Variants in RYR2 observed in about 807,000 individuals in gnomAD.
The protein encoded by RYR2 is cardiac muscle ryanodine receptor-calcium release channel.
In RYR2, 227 loss-of-function variants were observed where a neutral mutation model predicts 601.1. The observed-to-expected ratio is 0.38, with a 90% CI of 0.34 to 0.42. The LOEUF (loss-of-function observed/expected upper bound fraction) is 0.42, where lower values mean the gene tolerates loss of function less well. RYR2 is among the 10% of genes least tolerant of loss of function. RYR2 has a pLI of 1.00. For synonymous variants in RYR2, 2,223 were observed against 2,175.1 expected, an observed-to-expected ratio of 1.02 and a Z score of -0.61; for missense variants, 4,646 against 6,156.5, an observed-to-expected ratio of 0.75 and a Z score of 8.21.
At chr1:237,600,556 C>T (rs1267242353) in intron 34 of RYR2, among the ~76,000 whole-genome samples, 2 of 151,844 alleles carry the variant, frequency 1.3e-5, no homozygotes, top group African/African-American at 2.4e-5. Flanking sequence ...ATTTTTTGGA[C>T]GAGACCTCAA....
intron 1 of RYR2, among the ~76,000 whole-genome samples, chr1:237,243,548 A>G (rs2149244072): frequency 6.6e-6 from 1 of 152,288 alleles, no homozygotes; most frequent in African/African-American, 2.4e-5. Flanking sequence ...ATGTTCAGCT[A>G]TCCAGAAGCT....
chr1:237,683,865 G>T (rs1686115849), intron 62 of RYR2, among the ~76,000 whole-genome samples: 1 of 152,144 alleles, frequency 6.6e-6, no homozygotes, highest in Admixed American at 6.5e-5. Context: ...AGGCTATAGT[G>T]TTGGAAGTGC....
intron 17 of RYR2, among the ~76,000 whole-genome samples, chr1:237,481,127 C>CATATATATATAT (rs764876848): frequency 0.31 from 44,845 of 145,174 alleles, 8,503 homozygotes; most frequent in African/African-American, 0.55. Context: ...TATATATATA[C>CATATATATATAT]ACACACATAT....
chr1:237,137,515 G>A (rs1672923003), intron 1 of RYR2, among the ~76,000 whole-genome samples: 1 of 152,232 alleles, frequency 6.6e-6, no homozygotes, highest in Non-Finnish European at 1.5e-5. Flanking sequence ...GAATGTCAAA[G>A]AGTTTATGAT....
chr1:237,622,398 C>A (rs1679169183), intron 38 of RYR2, among the ~76,000 whole-genome samples: 2 of 152,134 alleles, frequency 1.3e-5, no homozygotes, highest in Admixed American at 6.5e-5. Flanking sequence ...GAAAATTCTA[C>A]ACGTAAATAC....
At position 237,203,328 on chromosome 1, in the gene RYR2, T is replaced by G. The variant is rs187928124; in HGVS notation, c.49-67169T>G. Among the ~76,000 whole-genome samples the G allele has an allele frequency of 5.3e-5, 8 of 152,318 alleles. No homozygotes were observed. In the East Asian group the frequency reaches 1.3e-3, roughly 26 times the overall value. On this transcript the variant is annotated intron_variant, in intron 1 of 104. Coordinates refer to ENST00000366574, the MANE Select transcript of RYR2 (RefSeq NM_001035.3). ...TGTGAGTTTTAGAAATTGTTGTTAT[T>G]ATTGCTGTTTAGTGTATATTATTCT...
chr1:237,240,680 A>AAAC (rs1426077309), intron 1 of RYR2, among the ~76,000 whole-genome samples: 7 of 149,140 alleles, frequency 4.7e-5, no homozygotes, highest in Non-Finnish European at 9.0e-5. Context: ...AAAAAAAAAA[A>AAAC]AAAAAAAAAC....
intron 10 of RYR2, among the ~76,000 whole-genome samples, chr1:237,404,246 G>A (rs1263897726): frequency 6.6e-6 from 1 of 152,078 alleles, no homozygotes; most frequent in Non-Finnish European, 1.5e-5. Context: ...GGTGACAGAG[G>A]GAGACCCTGT....
At chr1:237,362,137 C>T (rs565949199) in intron 4 of RYR2, among the ~76,000 whole-genome samples, 120 of 152,260 alleles carry the variant, frequency 7.9e-4, no homozygotes, top group African/African-American at 2.5e-3. Flanking sequence ...GTGTCAATTC[C>T]GGATTAATCT....
chr1:237,117,666 CT>C (rs1670240661), intron 1 of RYR2, among the ~76,000 whole-genome samples: 4 of 143,448 alleles, frequency 2.8e-5, no homozygotes, highest in African/African-American at 7.8e-5. Flanking sequence ...CTCTTCTCTT[CT>C]CTTCCTTCTC....
chr1:237,826,599 A>G (rs1663117994), intron 101 of RYR2, among the ~76,000 whole-genome samples: 1 of 152,074 alleles, frequency 6.6e-6, no homozygotes, highest in Admixed American at 6.5e-5. Context: ...CCTGTGTAAC[A>G]AACCTGCACG....
At chr1:237,276,095 C>T (rs1001814883) in intron 2 of RYR2, among the ~76,000 whole-genome samples, 3 of 152,016 alleles carry the variant, frequency 2.0e-5, no homozygotes, top group Non-Finnish European at 2.9e-5. Flanking sequence ...TGCATATATT[C>T]GTATTTTATT....
At chr1:237,708,221 A>T (rs1314786177) in intron 68 of RYR2, among the ~76,000 whole-genome samples, 1 of 152,158 alleles carries the variant, frequency 6.6e-6, no homozygotes, top group East Asian at 1.9e-4. Context: ...TTATCTACTG[A>T]TGAAAACTCC....
At chr1:237,205,923 G>T (rs1558422513) in intron 1 of RYR2, among the ~76,000 whole-genome samples, 1 of 152,234 alleles carries the variant, frequency 6.6e-6, no homozygotes, top group African/African-American at 2.4e-5. Flanking sequence ...CCGTGAGTCA[G>T]ACCCGCGACT....
At chr1:237,800,786 C>T (rs575927645) in intron 97 of RYR2, among the ~76,000 whole-genome samples, 1 of 152,242 alleles carries the variant, frequency 6.6e-6, no homozygotes, top group Admixed American at 6.5e-5. Context: ...GCAAAGATCA[C>T]AAATATTTAC....
At chr1:237,046,376 T>C (rs1345529748) in intron 1 of RYR2, among the ~76,000 whole-genome samples, 1 of 152,212 alleles carries the variant, frequency 6.6e-6, no homozygotes, top group Non-Finnish European at 1.5e-5. Flanking sequence ...TTTAGGTTTA[T>C]AGCAAAAGAA....
At chr1:237,573,939 GAA>G (rs1162708631) in intron 29 of RYR2, among the ~76,000 whole-genome samples, 1 of 152,132 alleles carries the variant, frequency 6.6e-6, no homozygotes, top group Non-Finnish European at 1.5e-5. Flanking sequence ...CCAAATGACA[GAA>G]ACACTGGTCT....
intron 2 of RYR2, among the ~76,000 whole-genome samples, chr1:237,284,531 G>GTA (rs901045226): frequency 1.2e-4 from 6 of 51,614 alleles, no homozygotes; most frequent in East Asian, 1.9e-3. Flanking sequence ...TGTATTGTGT[G>GTA]TATATATATA....
intron 1 of RYR2, among the ~76,000 whole-genome samples, chr1:237,192,282 C>G (rs902861554): frequency 6.6e-6 from 1 of 152,028 alleles, no homozygotes; most frequent in East Asian, 1.9e-4. Context: ...GATCTTGGTT[C>G]ACTGCAACCT....
Sources: allele counts gnomAD v4.1 joint callset (sites outside exome capture counted in the v4.1 genomes callset), GRCh38; gene constraint gnomAD v4.1.1; transcripts MANE v1.5; gene names NCBI Gene and HGNC (gene_info 2026-07-23, HGNC 2026-07-21).